The following DCT variants were observed in gnomAD, a reference collection of about 807,000 sequenced individuals.
DCT encodes L-dopachrome tautomerase.
In DCT, 47 loss-of-function variants were observed where a neutral mutation model predicts 53.0. That is an observed-to-expected ratio of 0.89 (90% CI 0.70 to 1.13). DCT has a LOEUF of 1.13. Ranked by LOEUF, DCT falls within the 50% of genes most tolerant of loss-of-function variation. The pLI is 0.00. For missense variants in DCT, 669 were observed against 637.4 expected, an observed-to-expected ratio of 1.05 and a Z score of -0.53; for synonymous variants, 244 against 237.0, an observed-to-expected ratio of 1.03 and a Z score of -0.27.
the DCT span, among the ~76,000 whole-genome samples, chr13:94,495,189 C>G: frequency 6.6e-6 from 1 of 152,138 alleles, no homozygotes; most frequent in Admixed American, 6.5e-5. Context: ...CTCTGCCTGC[C>G]AGGCTCAAGC....
At chr13:94,488,860 A>G in the DCT span, among the ~76,000 whole-genome samples, 1 of 74,770 alleles carries the variant, frequency 1.3e-5, no homozygotes, top group East Asian at 3.3e-4. Flanking sequence ...ATGTACACAT[A>G]CATACACACA....
At chr13:94,531,640 T>C in the DCT span, among the ~76,000 whole-genome samples, 1 of 151,976 alleles carries the variant, frequency 6.6e-6, no homozygotes, top group Non-Finnish European at 1.5e-5. Context: ...AAAAATCAAC[T>C]CAAGATGGAT....
chr13:94,518,166 G>GAAGA, the DCT span, among the ~76,000 whole-genome samples: 28 of 143,094 alleles, frequency 2.0e-4, 1 homozygote, highest in African/African-American at 3.1e-4. Flanking sequence ...ATGAAGGAAG[G>GAAGA]AAGGAAGAAA....
intron 2 of DCT, chr13:94,468,475 G>A (rs1884376289): frequency 2.9e-6 from 1 of 339,746 alleles, no homozygotes; most frequent in Non-Finnish European, 5.4e-6. Flanking sequence ...CATCTTTGAT[G>A]ATTAACAGCT....
chr13:94,485,662 C>T, the DCT span, among the ~76,000 whole-genome samples: 11 of 152,224 alleles, frequency 7.2e-5, no homozygotes, highest in South Asian at 2.1e-4. Context: ...CTTTCTCTCA[C>T]GGAAACACCC....
At chr13:94,494,667 T>C in the DCT span, among the ~76,000 whole-genome samples, 1 of 152,232 alleles carries the variant, frequency 6.6e-6, no homozygotes. Context: ...AATGATTCAC[T>C]GCATTATAGA....
the DCT span, among the ~76,000 whole-genome samples, chr13:94,508,411 A>T: frequency 3.3e-5 from 5 of 152,206 alleles, no homozygotes; most frequent in Non-Finnish European, 5.9e-5. Flanking sequence ...TATTTGATCA[A>T]TTCCCTTCTA....
In DCT at chr13:94,438,685, A is replaced by C; in HGVS notation, c.*1213T>G. 1 of 455,850 alleles carries C rather than the reference A, an allele frequency of 2.2e-6. No homozygotes were observed. Among genetic ancestry groups the C allele is most frequent in the South Asian group, 1.6e-5 (1 of 64,472 alleles). 28.2% of individuals were successfully genotyped at this position (455,850 alleles called of 1,614,324 possible). On this transcript the variant is annotated 3_prime_UTR_variant, in exon 8 of 8. Transcript: ENST00000377028. ...TAACTTCTCTGAAGTGGGGTCCATC[A>C]TGATAAGTCTGAACATCGTAGTAAA...
At chr13:94,459,951 T>C in intron 6 of DCT, 140 bp downstream of exon 6, 1 of 931,620 alleles carries the variant, frequency 1.1e-6, no homozygotes, top group Non-Finnish European at 1.7e-6. Context: ...CCCTATGGTA[T>C]AGATTGAAAT....
chr13:94,491,799 A>G, the DCT span, among the ~76,000 whole-genome samples: 1 of 152,134 alleles, frequency 6.6e-6, no homozygotes, highest in African/African-American at 2.4e-5. Context: ...ACTTCTGCAA[A>G]GGTTAGCATT....
chr13:94,457,000 C>T (rs1051489077), intron 6 of DCT, among the ~76,000 whole-genome samples: 1 of 152,186 alleles, frequency 6.6e-6, no homozygotes, highest in African/African-American at 2.4e-5. Flanking sequence ...CGCAGTGGCA[C>T]GTGCCTGTAA....
chr13:94,451,643 G>C (rs1883100866), intron 6 of DCT, among the ~76,000 whole-genome samples: 1 of 152,010 alleles, frequency 6.6e-6, no homozygotes, highest in Non-Finnish European at 1.5e-5. Context: ...TCTCGCATAG[G>C]GGCCATCACA....
chr13:94,468,598 T>C lies in DCT; in HGVS notation c.595+148A>G, dbSNP rs1884385044. On this transcript the variant is annotated intron_variant, in intron 2 of 7. Coordinates refer to ENST00000377028, the MANE Select transcript of DCT (RefSeq NM_001922.5). ...ACTGCTTCCTTCTAACTCCAGGCGG[T>C]ATTTGATAATTCTACGACTTTCATA... 5 of 708,038 alleles carry C rather than the reference T, an allele frequency of 7.1e-6. No individual in the cohort carries two copies. The South Asian group carries it at 8.9e-5, about 13-fold the overall frequency. The allele number at this position is 708,038 out of a possible 1,614,324, so 43.9% of individuals were successfully genotyped here.
At chr13:94,494,811 A>G in the DCT span, among the ~76,000 whole-genome samples, 1 of 152,224 alleles carries the variant, frequency 6.6e-6, no homozygotes, top group Non-Finnish European at 1.5e-5. Flanking sequence ...AATTGAAACA[A>G]AATTATGATA....
At chr13:94,447,975 C>G (rs1040272252) in intron 6 of DCT, among the ~76,000 whole-genome samples, 17 of 152,166 alleles carry the variant, frequency 1.1e-4, no homozygotes, top group Middle Eastern at 3.2e-3. Context: ...AGGCTGCACA[C>G]AGTGGCTCAT....
the DCT span, among the ~76,000 whole-genome samples, chr13:94,527,763 G>A: frequency 6.6e-6 from 1 of 152,168 alleles, no homozygotes; most frequent in Non-Finnish European, 1.5e-5. Context: ...GCCAGCAAGG[G>A]AACAAAACTA....
At chr13:94,530,574 C>T in the DCT span, among the ~76,000 whole-genome samples, 723 of 152,166 alleles carry the variant, frequency 4.8e-3, 5 homozygotes, top group African/African-American at 0.015. Context: ...AAAAGGCCTT[C>T]GACAAAATTC....
chr13:94,486,610 G>A, the DCT span, among the ~76,000 whole-genome samples: 1 of 152,178 alleles, frequency 6.6e-6, no homozygotes. Context: ...TGGGGATCCA[G>A]GGAGAGATTT....
At chr13:94,521,987 A>G in the DCT span, among the ~76,000 whole-genome samples, 1 of 152,362 alleles carries the variant, frequency 6.6e-6, no homozygotes, top group East Asian at 1.9e-4. Context: ...ATGGAACCAT[A>G]TAATACATAG....
Sources: allele counts gnomAD v4.1 joint callset (sites outside exome capture counted in the v4.1 genomes callset), GRCh38; gene constraint gnomAD v4.1.1; transcripts MANE v1.5; gene names NCBI Gene and HGNC (gene_info 2026-07-23, HGNC 2026-07-21).